PLCG2: variants seen among roughly 807,000 people sequenced by gnomAD.
PLCG2 encodes the protein phospholipase C gamma 2, also known as 1-phosphatidylinositol 4,5-bisphosphate phosphodiesterase gamma-2.
Under a neutral mutation model 175.6 loss-of-function variants are expected in PLCG2, and 69 were observed. That is an observed-to-expected ratio of 0.39 (90% confidence interval 0.32 to 0.48). The LOEUF (loss-of-function observed/expected upper bound fraction) is 0.48, where lower values mean the gene tolerates loss of function less well. Among genes scored for constraint, PLCG2 ranks in the 20% least tolerant of loss-of-function variants. PLCG2 has a pLI of 0.91. For missense variants in PLCG2, 1,798 were observed against 1,650.9 expected (o/e 1.09, Z -1.54); for synonymous variants, 827 against 624.0 (o/e 1.33, Z -4.85).
chr16:81,897,904 C>T (rs1316935265), intron 13 of PLCG2: 1 of 453,488 alleles, frequency 2.2e-6, no homozygotes, highest in South Asian at 1.6e-5. Flanking sequence ...GGAGGTGTTG[C>T]TGTGAGACAA....
intron 10 of PLCG2, among the ~76,000 whole-genome samples, chr16:81,890,407 T>G (rs1908575406): frequency 6.6e-6 from 1 of 152,212 alleles, no homozygotes; most frequent in Non-Finnish European, 1.5e-5. Flanking sequence ...AAAGGCAAGA[T>G]AGAGGTTGGT....
At chr16:81,764,788 G>A (rs2143094508) in intron 2 of PLCG2, among the ~76,000 whole-genome samples, 1 of 152,238 alleles carries the variant, frequency 6.6e-6, no homozygotes, top group South Asian at 2.1e-4. Context: ...ACTGCATTAG[G>A]GTACATCCTA....
chr16:81,760,084 C>A lies in PLCG2; in HGVS notation c.-48+4118C>A, dbSNP rs562012843. ...GAGCTTGCAGTGAGCCGAGATCGCG[C>A]CACTGCTCATCTATCAGTTGTAGGA... On this transcript the variant is annotated intron_variant, in intron 2 of 5. Coordinates refer to the PLCG2 transcript ENST00000565054. 2.0e-5 allele frequency among the ~76,000 whole-genome samples: 3 copies of A among 152,342 alleles called. No homozygotes were observed. The South Asian group carries it at 6.2e-4, about 32-fold the overall frequency.
chr16:81,920,532 C>T (rs1910017584), intron 20 of PLCG2, among the ~76,000 whole-genome samples: 1 of 152,092 alleles, frequency 6.6e-6, no homozygotes, highest in Admixed American at 6.5e-5. Flanking sequence ...GAGAAGGCCA[C>T]CTTAAAAGGG....
At position 81,905,422 on chromosome 16, in the gene PLCG2, G is replaced by T. The variant is rs3935625; in HGVS notation, c.1382G>T (p.Arg461Leu). Reference protein sequence around the residue: ...IIIKHKKLGPRGDVDVNMEDK... With the variant: ...IIIKHKKLGPLGDVDVNMEDK... ...CCTCAGCATAAGAAGCTGGGCCCCC[G>T]AGGCGATGTGGATGTCAACATGGAG... The change falls in exon 15 of 33, where the codon CGA becomes CTA. Residue 461 changes from arginine (R) to leucine (L), a missense_variant. Physicochemically the swap from Arg to Leu is moderately radical, Grantham distance 102. Coordinates refer to ENST00000564138, the MANE Select transcript of PLCG2 (RefSeq NM_002661.5). The T allele has an allele frequency of 5.3e-5, 86 of 1,613,872 alleles. No individual in the cohort carries two copies. Among genetic ancestry groups the T allele is most frequent in the Non-Finnish European group, 6.9e-5 (81 of 1,179,876 alleles).
intron 2 of PLCG2, among the ~76,000 whole-genome samples, chr16:81,806,754 C>A (rs1567474205): frequency 6.6e-6 from 1 of 151,954 alleles, no homozygotes. Flanking sequence ...GGCATTTGAG[C>A]AAAGGCTTGG....
At chr16:81,741,494 C>T (rs12931368) in intron 1 of PLCG2, among the ~76,000 whole-genome samples, 63,879 of 151,970 alleles carry the variant, frequency 0.42, 13,834 homozygotes, top group East Asian at 0.73. Context: ...TACAGAGTGA[C>T]ATTTTGATAC....
intron 19 of PLCG2, among the ~76,000 whole-genome samples, chr16:81,916,237 A>T (rs930074843): frequency 6.6e-6 from 1 of 152,066 alleles, no homozygotes; most frequent in Non-Finnish European, 1.5e-5. Context: ...CTTTTTGACG[A>T]AATCGCTTAA....
intron 7 of PLCG2, among the ~76,000 whole-genome samples, chr16:81,872,363 C>T (rs1205833719): frequency 1.3e-5 from 2 of 152,122 alleles, no homozygotes; most frequent in Admixed American, 6.6e-5. Context: ...CAATAATCCT[C>T]CTTTTGCTCC....
chr16:81,778,037 A>AC (rs1910502981), upstream of PLCG2, among the ~76,000 whole-genome samples: 2 of 78,704 alleles, frequency 2.5e-5, no homozygotes, highest in South Asian at 6.1e-4. Flanking sequence ...AAAAACAAAA[A>AC]AAAAACAAAA....
rs535696867 is a variant in PLCG2, at chr16:81,802,040, C to T, written c.193+15858C>T. Among the ~76,000 whole-genome samples, 13 of 137,026 alleles carry T rather than the reference C, an allele frequency of 9.5e-5. No individual in the cohort carries two copies. In the South Asian group the frequency reaches 3.2e-3, roughly 34 times the overall value. 89.9% of individuals were successfully genotyped at this position (137,026 alleles called of 152,430 possible). ...GTGGCTGTGCAGAGGTGCCCACCAA[C>T]ATTCTGTCTGGAATGAAAAAACTAG... On this transcript the variant is annotated intron_variant, in intron 2 of 32. Coordinates refer to ENST00000564138, the MANE Select transcript of PLCG2 (RefSeq NM_002661.5).
At chr16:81,769,610 C>G (rs12443516) in intron 2 of PLCG2, among the ~76,000 whole-genome samples, 2 of 151,746 alleles carry the variant, frequency 1.3e-5, no homozygotes, top group South Asian at 2.1e-4. Context: ...GTCAGGAGAT[C>G]GAGACCATCC....
chr16:81,743,118 T>C (rs1909630514), intron 1 of PLCG2, among the ~76,000 whole-genome samples: 1 of 151,594 alleles, frequency 6.6e-6, no homozygotes, highest in African/African-American at 2.4e-5. Flanking sequence ...CTGGGCAACA[T>C]AGTGAGTCTC....
At chr16:81,751,738 G>T (rs1011044466) in intron 1 of PLCG2, among the ~76,000 whole-genome samples, 1 of 152,054 alleles carries the variant, frequency 6.6e-6, no homozygotes, top group African/African-American at 2.4e-5. Context: ...ATATGTAAAA[G>T]AGTCCGGGTG....
At chr16:81,867,959 A>G (rs538949445) in intron 5 of PLCG2, among the ~76,000 whole-genome samples, 1 of 152,248 alleles carries the variant, frequency 6.6e-6, no homozygotes, top group African/African-American at 2.4e-5. Flanking sequence ...TCAGCCTCCC[A>G]AAGTGCTGGG....
chr16:81,937,041 G>C (rs558468258), intron 27 of PLCG2, among the ~76,000 whole-genome samples: 1 of 152,274 alleles, frequency 6.6e-6, no homozygotes, highest in African/African-American at 2.4e-5. Context: ...TATGTCTATG[G>C]GACAGAATTC....
intron 2 of PLCG2, among the ~76,000 whole-genome samples, chr16:81,818,912 T>C (rs1485316518): frequency 7.0e-6 from 1 of 142,778 alleles, no homozygotes; most frequent in Non-Finnish European, 1.5e-5. Context: ...TTTTTTACTG[T>C]GGTGGGGCTC....
intron 19 of PLCG2, among the ~76,000 whole-genome samples, chr16:81,918,916 A>AG (rs1909950970): frequency 6.7e-6 from 1 of 150,198 alleles, no homozygotes; most frequent in African/African-American, 2.5e-5. Context: ...TTTTAAAAAA[A>AG]GTCACTGTTT....
chr16:81,802,763 A>G (rs1911791064), intron 2 of PLCG2, among the ~76,000 whole-genome samples: 1 of 151,798 alleles, frequency 6.6e-6, no homozygotes. Context: ...TAGGGACGGC[A>G]TTTCATCATT....
Sources: allele counts gnomAD v4.1 joint callset (sites outside exome capture counted in the v4.1 genomes callset), GRCh38; gene constraint gnomAD v4.1.1; transcripts MANE v1.5; gene names NCBI Gene and HGNC (gene_info 2026-07-23, HGNC 2026-07-21).